ATE1: variants seen among roughly 807,000 people sequenced by gnomAD.
ATE1 encodes the protein arginyl-tRNA--protein transferase 1.
ATE1 carries 36 observed loss-of-function variants against 70.5 expected under a neutral mutation model. The observed-to-expected ratio is 0.51, with a 90% CI of 0.39 to 0.67. The LOEUF (loss-of-function observed/expected upper bound fraction) is 0.67. Among genes scored for constraint, ATE1 ranks in the 30% least tolerant of loss-of-function variants. The pLI is 0.00. For missense variants in ATE1, 593 were observed against 629.5 expected (o/e 0.94, Z 0.62); for synonymous variants, 232 against 219.3 (o/e 1.06, Z -0.51).
chr10:121,902,561 T>C lies in ATE1; in HGVS notation c.643A>G (p.Arg215Gly). The change falls in exon 6 of 12, where the codon AGG becomes GGG. Residue 215 changes from arginine to glycine, a missense_variant. Physicochemically the swap from Arg to Gly is moderately radical, Grantham distance 125. This residue lies in a region of ATE1 where 467 missense variants were observed against 469.6 expected (regional missense o/e 0.99). Transcript: ENST00000224652. ...CRKAKEIRKE[R>G]KRLKLMQQNP... is the part of the protein sequence containing the mutation. ...TGCTGCATTAGTTTTAACCTTTTCCTTTCTTTCCGGATTTCCTTTGCTTTT... is the reference window on the plus strand; with the variant it reads ...TGCTGCATTAGTTTTAACCTTTTCCCTTCTTTCCGGATTTCCTTTGCTTTT... 1 of 1,614,168 alleles carries C rather than the reference T, an allele frequency of 6.2e-7. No individual in the cohort carries two copies. Among genetic ancestry groups the C allele is most frequent in the Admixed American group, 1.7e-5 (1 of 60,020 alleles).
chr10:121,789,917 A>C (rs1312116009), intron 11 of ATE1, among the ~76,000 whole-genome samples: 2 of 145,806 alleles, frequency 1.4e-5, no homozygotes, highest in African/African-American at 5.1e-5. Context: ...AAGCATATAA[A>C]AACTAATCTA....
At chr10:121,787,049 G>A (rs2420965) in intron 11 of ATE1, among the ~76,000 whole-genome samples, 144,578 of 152,268 alleles carry the variant, frequency 0.95, 68,834 homozygotes, top group Non-Finnish European at 0.98. Flanking sequence ...CCAAGTTATT[G>A]CAGCTTGTCA....
At chr10:121,846,203 G>A (rs527535603) in intron 8 of ATE1, among the ~76,000 whole-genome samples, 2 of 149,932 alleles carry the variant, frequency 1.3e-5, no homozygotes, top group African/African-American at 4.9e-5. Context: ...TCTATTGAAA[G>A]AGCAACCAAT....
intron 8 of ATE1, among the ~76,000 whole-genome samples, chr10:121,859,778 C>A (rs918755644): frequency 6.6e-6 from 1 of 151,642 alleles, no homozygotes; most frequent in South Asian, 2.1e-4. Context: ...CCTGTCTCTA[C>A]TAAAAATACA....
chr10:121,902,409 A>G lies in ATE1; in HGVS notation c.795T>C (p.Asn265=). 6.2e-7 allele frequency: 1 copy of G among 1,614,146 alleles called. No homozygotes were observed. The highest frequency in any genetic ancestry group is 8.5e-7 in the Non-Finnish European group (1 of 1,179,982). The stretch of plus-strand genomic sequence containing the variant: ...AAAGTACCTCTAACTTGTGTGATGC[A>G]TTCTCTGGTAAAGACTCAAAAATTA... ...EDLIFESLPE[N]ASHKLEVRVV... The change falls in exon 6 of 12, where the codon AAT becomes AAC. Residue 265 remains asparagine (N), a synonymous_variant. Transcript: ENST00000224652.
In ATE1 at chr10:121,903,887, C is replaced by T. The variant is rs139673415; in HGVS notation, c.584-1267G>A. 3.4e-3 allele frequency among the ~76,000 whole-genome samples: 512 copies of T among 152,056 alleles called. 7 individuals carry two copies. Among genetic ancestry groups the T allele is most frequent in the African/African-American group, 0.012 (477 of 41,474 alleles). On this transcript the variant is annotated intron_variant, in intron 5 of 11. Coordinates refer to ENST00000224652, the MANE Select transcript of ATE1 (RefSeq NM_001001976.3). ...TAAATAAAAATACTTAGAAAAAAAC[C>T]TGGAAAGGAGACACCATGGTAACAG...
rs944001044 is a variant in ATE1, at chr10:121,742,379, G to A, written c.*1301C>T. The A allele has an allele frequency of 5.9e-5, 9 of 151,896 alleles. No individual in the cohort carries two copies. The highest frequency in any genetic ancestry group is 1.7e-4 in the African/African-American group (7 of 41,326). 9.4% of individuals were successfully genotyped at this position (151,896 alleles called of 1,614,324 possible). On this transcript the variant is annotated 3_prime_UTR_variant, in exon 12 of 12. Coordinates refer to ENST00000224652, the MANE Select transcript of ATE1 (RefSeq NM_001001976.3). ...TTTTATAACATGGCTTTTAAGAAAC[G>A]ATGAACCAAAACAGAAAAATGGGCA...
chr10:121,921,666 T>C (rs1008654541), intron 3 of ATE1, among the ~76,000 whole-genome samples: 2 of 152,046 alleles, frequency 1.3e-5, no homozygotes, highest in Admixed American at 6.6e-5. Context: ...CAGGCAAACC[T>C]AGATAACGGA....
intron 3 of ATE1, among the ~76,000 whole-genome samples, chr10:121,916,520 G>A (rs542219892): frequency 4.6e-5 from 7 of 152,130 alleles, no homozygotes; most frequent in Non-Finnish European, 8.8e-5. Flanking sequence ...CAAGAAAGAA[G>A]GGTTTCCAAC....
intron 7 of ATE1, among the ~76,000 whole-genome samples, chr10:121,875,794 A>G (rs1950033316): frequency 6.6e-6 from 1 of 152,190 alleles, no homozygotes; most frequent in South Asian, 2.1e-4. Flanking sequence ...TGCAGGCTAC[A>G]CTGATATATT....
At chr10:121,755,715 T>A (rs1182656879) in intron 11 of ATE1, among the ~76,000 whole-genome samples, 1 of 152,038 alleles carries the variant, frequency 6.6e-6, no homozygotes, top group Non-Finnish European at 1.5e-5. Flanking sequence ...GCAGGGCAAC[T>A]CCCATTTTTA....
chr10:121,884,485 G>A (rs2134138822), intron 7 of ATE1, among the ~76,000 whole-genome samples: 1 of 152,070 alleles, frequency 6.6e-6, no homozygotes, highest in South Asian at 2.1e-4. Flanking sequence ...GCTACTCAGG[G>A]GACCAAGGCA....
At chr10:121,856,367 T>C (rs1333906113) in intron 8 of ATE1, among the ~76,000 whole-genome samples, 1 of 151,504 alleles carries the variant, frequency 6.6e-6, no homozygotes, top group African/African-American at 2.4e-5. Flanking sequence ...CCGTCTCTAC[T>C]AAAAATACAA....
At chr10:121,824,179 C>T (rs1021657912) in intron 10 of ATE1, among the ~76,000 whole-genome samples, 8 of 152,170 alleles carry the variant, frequency 5.3e-5, no homozygotes, top group African/African-American at 1.9e-4. Context: ...TCACTGACTA[C>T]GTCTAATTCA....
At chr10:121,817,904 T>C (rs1462689835) in intron 10 of ATE1, among the ~76,000 whole-genome samples, 1 of 152,206 alleles carries the variant, frequency 6.6e-6, no homozygotes, top group South Asian at 2.1e-4. Flanking sequence ...AAAAATAAGA[T>C]TATCCCACAT....
intron 10 of ATE1, among the ~76,000 whole-genome samples, chr10:121,798,772 G>A (rs538577763): frequency 1.5e-3 from 233 of 152,048 alleles, no homozygotes; most frequent in Middle Eastern, 6.8e-3. Flanking sequence ...GGTGACACAC[G>A]CCTGTGGTCC....
intron 4 of ATE1, among the ~76,000 whole-genome samples, chr10:121,912,917 T>G (rs1951501796): frequency 8.1e-6 from 1 of 123,416 alleles, no homozygotes; most frequent in South Asian, 2.4e-4. Context: ...TGTTGCTCTG[T>G]CACCCACGCT....
chr10:121,899,746 G>T, intron 7 of ATE1, 120 bp downstream of exon 7: 1 of 1,431,960 alleles, frequency 7.0e-7, no homozygotes, highest in South Asian at 1.5e-5. Flanking sequence ...GGTCTTTGCA[G>T]ATATGCTGCA....
chr10:121,859,478 A>G (rs4752612), intron 8 of ATE1, among the ~76,000 whole-genome samples: 122,480 of 151,628 alleles, frequency 0.81, 51,458 homozygotes, highest in Middle Eastern at 0.94. Context: ...GGATGGTCTC[A>G]ATCTCCTGAC....
Sources: gnomAD v4.1 joint callset for allele counts (sites outside exome capture counted in the v4.1 genomes callset) on GRCh38, gnomAD v4.1.1 for gene constraint, gnomAD v4.1.1 regional missense constraint, MANE v1.5 for transcripts, NCBI Gene and HGNC (gene_info 2026-07-23, HGNC 2026-07-21) for gene names.